Variants in GPC5 observed in about 807,000 individuals in gnomAD.
The protein encoded by GPC5 is glypican 5.
In GPC5, 47 loss-of-function variants were observed where a neutral mutation model predicts 53.9. The observed-to-expected ratio is 0.87, with a 90% confidence interval of 0.69 to 1.11. The LOEUF (loss-of-function observed/expected upper bound fraction) is 1.11. Among genes scored for constraint, GPC5 ranks in the 50% most tolerant of loss-of-function variants. The pLI is 0.00. For missense variants in GPC5, 748 were observed against 713.1 expected, an observed-to-expected ratio of 1.05 and a Z score of -0.56; for synonymous variants, 286 against 263.3, an observed-to-expected ratio of 1.09 and a Z score of -0.84.
intron 2 of GPC5, among the ~76,000 whole-genome samples, chr13:91,506,230 T>C (rs909360973): frequency 2.6e-5 from 4 of 152,138 alleles, no homozygotes; most frequent in Non-Finnish European, 4.4e-5. Flanking sequence ...TAAAGTTGAG[T>C]AATTATTAAT....
At chr13:92,350,768 C>T (rs963038614) in intron 7 of GPC5, among the ~76,000 whole-genome samples, 21 of 152,146 alleles carry the variant, frequency 1.4e-4, no homozygotes, top group Admixed American at 1.4e-3. Context: ...TAAATCATCA[C>T]ATGACTTTTT....
At chr13:92,227,031 A>G (rs2042492090) in intron 7 of GPC5, among the ~76,000 whole-genome samples, 1 of 152,208 alleles carries the variant, frequency 6.6e-6, no homozygotes, top group Non-Finnish European at 1.5e-5. Flanking sequence ...ACACTGAGAC[A>G]TTAAAATCCA....
intron 7 of GPC5, among the ~76,000 whole-genome samples, chr13:92,532,194 T>C (rs1209769905): frequency 6.6e-6 from 1 of 152,180 alleles, no homozygotes. Flanking sequence ...GACAATTTCT[T>C]TTAGGGAAAA....
intron 7 of GPC5, among the ~76,000 whole-genome samples, chr13:92,160,854 C>G (rs2041982636): frequency 6.6e-6 from 1 of 152,122 alleles, no homozygotes. Flanking sequence ...TTCCAAGTCT[C>G]TCTCCTTCAC....
chr13:92,176,894 C>T (rs1416450349), intron 7 of GPC5, among the ~76,000 whole-genome samples: 1 of 152,160 alleles, frequency 6.6e-6, no homozygotes, highest in South Asian at 2.1e-4. Flanking sequence ...TCTATTTATC[C>T]CTTCATCAGT....
intron 7 of GPC5, among the ~76,000 whole-genome samples, chr13:92,236,003 G>A (rs2042566874): frequency 6.6e-6 from 1 of 152,004 alleles, no homozygotes; most frequent in Non-Finnish European, 1.5e-5. Flanking sequence ...TGATGACTCA[G>A]GTAGAATAGC....
At chr13:92,544,306 C>A (rs1249660409) in intron 7 of GPC5, among the ~76,000 whole-genome samples, 1 of 152,064 alleles carries the variant, frequency 6.6e-6, no homozygotes, top group Non-Finnish European at 1.5e-5. Context: ...CCCATAGAGA[C>A]TCTGGAAATA....
chr13:92,600,323 G>T (rs1884006424), intron 7 of GPC5, among the ~76,000 whole-genome samples: 1 of 151,994 alleles, frequency 6.6e-6, no homozygotes, highest in African/African-American at 2.4e-5. Flanking sequence ...TGTAGGGTTT[G>T]TTTTTTGACT....
intron 7 of GPC5, among the ~76,000 whole-genome samples, chr13:92,771,428 C>T (rs531339432): frequency 1.3e-5 from 2 of 152,078 alleles, no homozygotes; most frequent in East Asian, 1.9e-4. Context: ...CTGCAACCTC[C>T]GCCCCTCCAG....
At position 91,802,267 on chromosome 13, in the gene GPC5, A is replaced by G. The variant is rs111832795; in HGVS notation, c.1280+45847A>G. Among the ~76,000 whole-genome samples, 1,475 of 151,984 alleles carry G rather than the reference A, an allele frequency of 9.7e-3. 20 individuals carry two copies. Among genetic ancestry groups the G allele is most frequent in the African/African-American group, 0.034 (1,414 of 41,452 alleles). ...TTCCCTCTGGTGGGTTCGTGGTCTC[A>G]CTGACTTCAGGAGTGCAGACACAGA... On this transcript the variant is annotated intron_variant, in intron 5 of 7. Coordinates refer to ENST00000377067, the MANE Select transcript of GPC5 (RefSeq NM_004466.6).
intron 6 of GPC5, among the ~76,000 whole-genome samples, chr13:91,934,771 C>T (rs758535481): frequency 1.8e-4 from 27 of 151,994 alleles, no homozygotes; most frequent in African/African-American, 6.3e-4. Flanking sequence ...GCAGAGGCAA[C>T]GGGACCCCAG....
chr13:91,432,203 C>CTGGTGTGTGTG (rs1555306318), intron 1 of GPC5, among the ~76,000 whole-genome samples: 57 of 136,450 alleles, frequency 4.2e-4, no homozygotes, highest in African/African-American at 1.6e-3. Context: ...GCTGCTGCTG[C>CTGGTGTGTGTG]TGTGTGTGTG....
chr13:92,467,435 C>G (rs766564497), intron 7 of GPC5, among the ~76,000 whole-genome samples: 1 of 152,028 alleles, frequency 6.6e-6, no homozygotes, highest in African/African-American at 2.4e-5. Context: ...CTTTCATAGG[C>G]TTATTCCTAA....
At chr13:92,764,130 A>G (rs1299870953) in intron 7 of GPC5, among the ~76,000 whole-genome samples, 1 of 152,198 alleles carries the variant, frequency 6.6e-6, no homozygotes, top group East Asian at 1.9e-4. Flanking sequence ...TCGGTTTTCT[A>G]GAAGGCAATG....
intron 2 of GPC5, among the ~76,000 whole-genome samples, chr13:91,665,505 C>CTTTTTTTTTTTTTTTTTTTTTT (rs371605806): frequency 6.8e-6 from 1 of 146,132 alleles, no homozygotes. Context: ...AAAAGCCAGT[C>CTTTTTTTTTTTTTTTTTTTTTT]TTTTTTTTTT....
intron 6 of GPC5, among the ~76,000 whole-genome samples, chr13:92,022,213 C>CACCA: frequency 6.6e-6 from 1 of 152,156 alleles, no homozygotes; most frequent in Non-Finnish European, 1.5e-5. Flanking sequence ...GTTGGCCAGG[C>CACCA]TGGTCTCAAA....
rs560077193 is a variant in GPC5 at position 92,494,621 on chromosome 13, C to T, written c.1561+349632C>T. Among the ~76,000 whole-genome samples, 8 of 152,200 alleles carry T rather than the reference C, an allele frequency of 5.3e-5. No homozygotes were observed. The East Asian group carries it at 1.5e-3, about 29-fold the overall frequency. On this transcript the variant is annotated intron_variant, in intron 7 of 7. Coordinates refer to ENST00000377067, the MANE Select transcript of GPC5 (RefSeq NM_004466.6). ...GCTGTATCTAAAATTATTTTTCCAA[C>T]AATAGTTCTCTTAGCCCCTAAAAAT...
At chr13:92,700,722 C>A (rs1458469791) in intron 7 of GPC5, among the ~76,000 whole-genome samples, 1 of 152,072 alleles carries the variant, frequency 6.6e-6, no homozygotes, top group Non-Finnish European at 1.5e-5. Flanking sequence ...ATGACCATAG[C>A]TTGTCTCCAG....
intron 7 of GPC5, among the ~76,000 whole-genome samples, chr13:92,768,681 A>G (rs1189885750): frequency 6.6e-6 from 1 of 151,672 alleles, no homozygotes; most frequent in Non-Finnish European, 1.5e-5. Context: ...CATTCTGCCA[A>G]TTCCCGAAGC....
Sources: allele counts gnomAD v4.1 joint callset (sites outside exome capture counted in the v4.1 genomes callset), GRCh38; gene constraint gnomAD v4.1.1; transcripts MANE v1.5; gene names NCBI Gene and HGNC (gene_info 2026-07-23, HGNC 2026-07-21).